The following WDR33 variants were observed in gnomAD, a reference collection of about 807,000 sequenced individuals.
WDR33 encodes the protein pre-mRNA 3' end processing protein WDR33.
WDR33 carries 47 observed loss-of-function variants against 164.9 expected under a neutral mutation model. The ratio of observed to expected loss-of-function variants is 0.29; its 90% confidence interval spans 0.23 to 0.36. WDR33 has a LOEUF of 0.36. Ranked by LOEUF, WDR33 falls within the 10% of genes least tolerant of loss-of-function variation. The probability of loss-of-function intolerance (pLI) is 1.00; values close to 1 mark genes in which losing one functional copy is unlikely to be tolerated. For missense variants in WDR33, 1,137 were observed against 1,754.1 expected, an observed-to-expected ratio of 0.65 and a Z score of 6.28; for synonymous variants, 505 against 589.0, an observed-to-expected ratio of 0.86 and a Z score of 2.06.
intron 1 of WDR33, among the ~76,000 whole-genome samples, chr2:127,791,171 C>G (rs1457042653): frequency 2.6e-5 from 3 of 114,256 alleles, no homozygotes; most frequent in South Asian, 3.8e-4. Flanking sequence ...CCCACCCCCC[C>G]CCCCAGCAAC....
At chr2:127,808,607 A>T (rs1440325241) in intron 1 of WDR33, among the ~76,000 whole-genome samples, 1 of 152,166 alleles carries the variant, frequency 6.6e-6, no homozygotes, top group Non-Finnish European at 1.5e-5. Context: ...AAGAAAAATC[A>T]TTTTCAGCAG....
At position 127,717,170 on chromosome 2, in the gene WDR33, G is replaced by A; in HGVS notation, c.2854C>T (p.Pro952Ser). 6.2e-7 allele frequency: 1 copy of A among 1,605,874 alleles called. No homozygotes were observed. The highest frequency in any genetic ancestry group is 8.5e-7 in the Non-Finnish European group (1 of 1,175,634). ...RIPPLNPGQG[P>S]GPNKGDSRGP... ...AGATATTTACCTTTGTTGGGGCCAG[G>A]TCCTTGTCCGGGGTTCAGAGGGGGA... Residue 952 changes from proline (P) to serine (S), a missense_variant, in exon 17 of 22, where the codon CCT becomes TCT. Transcript: ENST00000322313. The surrounding 1 kb of genome is among the most constrained non-coding windows in gnomAD (Gnocchi z 5.6).
At chr2:127,780,350 T>A (rs1347151818) in intron 1 of WDR33, among the ~76,000 whole-genome samples, 1 of 152,138 alleles carries the variant, frequency 6.6e-6, no homozygotes, top group African/African-American at 2.4e-5. Context: ...GTCCACTAGG[T>A]TCTAAGATAA....
Position 127,724,593 on chromosome 2 carries a change from G to A in WDR33, c.1086-150C>T. 1.4e-6 allele frequency: 1 copy of A among 722,424 alleles called. No homozygotes were observed. Among genetic ancestry groups the A allele is most frequent in the Non-Finnish European group, 2.3e-6 (1 of 431,074 alleles). 44.8% of individuals were successfully genotyped at this position (722,424 alleles called of 1,614,324 possible). A position where few individuals can be genotyped will look rare whatever the true frequency, so the allele number is the denominator to read the frequency against. On this transcript the variant is annotated intron_variant, in intron 10 of 21. Coordinates refer to ENST00000322313, the MANE Select transcript of WDR33 (RefSeq NM_018383.5). This position sits in a 1 kb window ranked among gnomAD's most constrained non-coding sequence, Gnocchi z 4.8. The stretch of plus-strand genomic sequence containing the variant: ...TGAATTCCACATGTCTCGGGGTATT[G>A]GCTTGTCATTGCCAAAGGACAGTTA...
At chr2:127,777,313 A>C (rs141174991) in intron 1 of WDR33, among the ~76,000 whole-genome samples, 18 of 152,264 alleles carry the variant, frequency 1.2e-4, no homozygotes, top group Non-Finnish European at 2.4e-4. Context: ...TATCACTCCT[A>C]ATTTCGCAGA....
In WDR33 at chr2:127,708,780, T is replaced by A; in HGVS notation, c.3678A>T (p.Ala1226=). The stretch of plus-strand genomic sequence containing the variant: ...AGGGGCGCTTTCGGGGAGGTAGGGA[T>A]GCCATGTCCATGCCTTGGAGAGAAG... ...RSSSLQGMDM[A]SLPPRKRPWH... is the part of the protein sequence containing the mutation. The change falls in exon 21 of 22, where the codon GCA becomes GCT. Residue 1226 remains alanine (A), a synonymous_variant. Coordinates refer to ENST00000322313, the MANE Select transcript of WDR33 (RefSeq NM_018383.5). This position sits in a 1 kb window ranked among gnomAD's most constrained non-coding sequence, Gnocchi z 6.7. The A allele has an allele frequency of 1.2e-6, 2 of 1,613,870 alleles. No individual in the cohort carries two copies.
At chr2:127,808,634 C>A (rs1404540806) in intron 1 of WDR33, among the ~76,000 whole-genome samples, 3 of 152,168 alleles carry the variant, frequency 2.0e-5, no homozygotes, top group East Asian at 1.9e-4. Flanking sequence ...GTGGCTCATG[C>A]CTGTAATCCC....
At chr2:127,742,680 C>T (rs1471309787) in intron 7 of WDR33, among the ~76,000 whole-genome samples, 2 of 151,018 alleles carry the variant, frequency 1.3e-5, no homozygotes, top group Non-Finnish European at 3.0e-5. Flanking sequence ...AAAAATAATA[C>T]TAGATAGACA....
At chr2:127,787,409 GCTC>G (rs1688621140) in intron 1 of WDR33, among the ~76,000 whole-genome samples, 1 of 126,120 alleles carries the variant, frequency 7.9e-6, no homozygotes, top group Non-Finnish European at 1.6e-5. Flanking sequence ...GGGCAGAGGG[GCTC>G]CTCACTTCCC....
rs1401915046 is a variant in WDR33 at position 127,779,846 on chromosome 2, C to T, written c.-23-8842G>A. On this transcript the variant is annotated intron_variant, in intron 1 of 21. Transcript: ENST00000322313. The stretch of plus-strand genomic sequence containing the variant: ...CCATGTCAGCCACTAATCAGAGCTT[C>T]CAATCAGAACAAGAAAGCTTGTTTT... Among the ~76,000 whole-genome samples the T allele has an allele frequency of 2.6e-5, 4 of 152,288 alleles. No individual in the cohort carries two copies. The South Asian group carries it at 8.3e-4, about 32-fold the overall frequency.
At chr2:127,742,633 T>C in intron 7 of WDR33, among the ~76,000 whole-genome samples, 1 of 144,356 alleles carries the variant, frequency 6.9e-6, no homozygotes, top group Non-Finnish European at 1.5e-5. Flanking sequence ...AATCTCCCAA[T>C]ACTTAGAGAA....
rs577184956 is a variant in WDR33 at position 127,716,764 on chromosome 2, G to C, written c.2869+391C>G. On this transcript the variant is annotated intron_variant, in intron 17 of 21. Transcript: ENST00000322313. This position sits in a 1 kb window ranked among gnomAD's most constrained non-coding sequence, Gnocchi z 4.5. ...AAGAGTTCAATGTGTGACAGGGTTT[G>C]GGAAGACAAGGATGTGATGACAAAA... 4.6e-4 allele frequency among the ~76,000 whole-genome samples: 70 copies of C among 152,278 alleles called. No individual in the cohort carries two copies. Among genetic ancestry groups the C allele is most frequent in the African/African-American group, 1.5e-3 (62 of 41,536 alleles).
At position 127,706,755 on chromosome 2, in the gene WDR33, C is replaced by A. The variant is rs1686026185; in HGVS notation, c.3782-203G>T. ...CCCCTTCCTGGCTCATGGCCATGGGCCTCAGCATCAGCCAGATCCATGCCC... is the reference window on the plus strand; with the variant it reads ...CCCCTTCCTGGCTCATGGCCATGGGACTCAGCATCAGCCAGATCCATGCCC... On this transcript the variant is annotated intron_variant, in intron 21 of 21. Coordinates refer to ENST00000322313, the MANE Select transcript of WDR33 (RefSeq NM_018383.5). This position sits in a 1 kb window ranked among gnomAD's most constrained non-coding sequence, Gnocchi z 5.1. Among the ~76,000 whole-genome samples, 1 of 152,196 alleles carries A rather than the reference C, an allele frequency of 6.6e-6. No individual in the cohort carries two copies. Among genetic ancestry groups the A allele is most frequent in the African/African-American group, 2.4e-5 (1 of 41,450 alleles).
chr2:127,735,549 CAAA>C lies in WDR33; in HGVS notation c.725-8775_725-8773del. ...CTAATACAGGAAGAAAAAAGGCAAA[CAAA>C]GAATTCAAGTACCATCTTGTACAAT... On this transcript the variant is annotated intron_variant, in intron 7 of 21. Coordinates refer to ENST00000322313, the MANE Select transcript of WDR33 (RefSeq NM_018383.5). The surrounding 1 kb of genome is among the most constrained non-coding windows in gnomAD (Gnocchi z 4.3). The C allele has an allele frequency of 1.0e-6, 1 of 985,626 alleles. No individual in the cohort carries two copies. 61.1% of individuals were successfully genotyped at this position (985,626 alleles called of 1,614,324 possible).
chr2:127,706,317 C>T lies in WDR33; in HGVS notation c.*6G>A. On this transcript the variant is annotated 3_prime_UTR_variant, in exon 22 of 22. Transcript: ENST00000322313. The surrounding 1 kb of genome is among the most constrained non-coding windows in gnomAD (Gnocchi z 5.1). The stretch of plus-strand genomic sequence containing the variant: ...AGAGAGGCCTCAGGGTACTCAGTTC[C>T]AGCTTCTACCGACCCCTTCCACCAC... 6.5e-7 allele frequency: 1 copy of T among 1,547,644 alleles called. No homozygotes were observed. The highest frequency in any genetic ancestry group is 8.7e-7 in the Non-Finnish European group (1 of 1,149,686).
In WDR33 at chr2:127,705,457, T is replaced by G. The variant is rs1175070713; in HGVS notation, c.*866A>C. On this transcript the variant is annotated 3_prime_UTR_variant, in exon 22 of 22. Transcript: ENST00000322313. The surrounding 1 kb of genome is among the most constrained non-coding windows in gnomAD (Gnocchi z 4.5). ...TGTTGCAAAATTGTTTGAGGACCTA[T>G]TTTGGTCCATTCCTTATCAACTCCA... 6.6e-6 allele frequency: 1 copy of G among 152,234 alleles called. No individual in the cohort carries two copies. Among genetic ancestry groups the G allele is most frequent in the Non-Finnish European group, 1.5e-5 (1 of 68,040 alleles). The allele number at this position is 152,234 out of a possible 1,614,324, so 9.4% of individuals were successfully genotyped here. A position where few individuals can be genotyped will look rare whatever the true frequency, so the allele number is the denominator to read the frequency against.
chr2:127,744,422 T>C (rs1246774946), intron 7 of WDR33, among the ~76,000 whole-genome samples: 2 of 152,192 alleles, frequency 1.3e-5, no homozygotes, highest in Non-Finnish European at 2.9e-5. Flanking sequence ...GTAGTAATGA[T>C]GCAGAAAAAT....
Position 127,722,183 on chromosome 2 carries a change from T to C in WDR33, c.1519-195A>G, listed in dbSNP as rs987846165. Among the ~76,000 whole-genome samples, 8 of 152,206 alleles carry C rather than the reference T, an allele frequency of 5.3e-5. No homozygotes were observed. Among genetic ancestry groups the C allele is most frequent in the South Asian group, 2.1e-4 (1 of 4,830 alleles). ...ACATATTACTAGGTAGAAATTACTA[T>C]GGTGATAAAAGCTGCAAGACACTGC... On this transcript the variant is annotated intron_variant, in intron 14 of 21. Transcript: ENST00000322313. This position sits in a 1 kb window ranked among gnomAD's most constrained non-coding sequence, Gnocchi z 5.1.
At chr2:127,808,874 C>CA (rs1689529768) in intron 1 of WDR33, among the ~76,000 whole-genome samples, 2 of 151,980 alleles carry the variant, frequency 1.3e-5, no homozygotes, top group South Asian at 2.1e-4. Flanking sequence ...ACTAAAAATA[C>CA]AAAAAATTAG....
Sources: allele counts gnomAD v4.1 joint callset (sites outside exome capture counted in the v4.1 genomes callset), GRCh38; gene constraint gnomAD v4.1.1; non-coding constraint Gnocchi (gnomAD v3.1); transcripts MANE v1.5; gene names NCBI Gene and HGNC (gene_info 2026-07-23, HGNC 2026-07-21).